Variants in ABLIM1 observed in about 807,000 individuals in gnomAD.
ABLIM1 encodes the protein actin binding LIM protein 1, also known as actin-binding LIM protein 1.
ABLIM1 carries 40 observed loss-of-function variants against 107.0 expected under a neutral mutation model. The ratio of observed to expected loss-of-function variants is 0.37; its 90% CI spans 0.29 to 0.49. ABLIM1 has a LOEUF of 0.49. Among genes scored for constraint, ABLIM1 ranks in the 20% least tolerant of loss-of-function variants. The pLI is 0.97. For missense variants in ABLIM1, 857 were observed against 1,008.5 expected, an observed-to-expected ratio of 0.85 and a Z score of 2.04; for synonymous variants, 357 against 357.3, an observed-to-expected ratio of 1.00 and a Z score of 0.01.
intron 4 of ABLIM1, among the ~76,000 whole-genome samples, chr10:114,556,528 A>G (rs1369787797): frequency 2.0e-5 from 3 of 152,182 alleles, no homozygotes; most frequent in African/African-American, 7.2e-5. Flanking sequence ...TAGGACCATG[A>G]GTTTGCAACA....
intron 1 of ABLIM1, among the ~76,000 whole-genome samples, chr10:114,757,474 T>C (rs1010016111): frequency 6.6e-6 from 1 of 152,152 alleles, no homozygotes; most frequent in Non-Finnish European, 1.5e-5. Flanking sequence ...TCTATACTCT[T>C]CCTCATTGCA....
At chr10:114,727,522 T>C (rs2081985087) in intron 1 of ABLIM1, among the ~76,000 whole-genome samples, 1 of 152,164 alleles carries the variant, frequency 6.6e-6, no homozygotes, top group Non-Finnish European at 1.5e-5. Context: ...TTAAAAATCA[T>C]AATAGGAAAA....
chr10:114,713,041 C>G (rs1480401012), intron 1 of ABLIM1, among the ~76,000 whole-genome samples: 1 of 152,082 alleles, frequency 6.6e-6, no homozygotes, highest in Admixed American at 6.6e-5. Flanking sequence ...AGAGCAAGAC[C>G]CTGTCTCTTA....
intron 1 of ABLIM1, among the ~76,000 whole-genome samples, chr10:114,723,615 C>T (rs944735466): frequency 6.6e-6 from 1 of 152,226 alleles, no homozygotes; most frequent in Admixed American, 6.5e-5. Flanking sequence ...TCTCCACCAC[C>T]TAACATGCAG....
At chr10:114,583,472 T>TATAC (rs2073832635) in intron 2 of ABLIM1, among the ~76,000 whole-genome samples, 3 of 10,098 alleles carry the variant, frequency 3.0e-4, no homozygotes, top group Non-Finnish European at 6.7e-4. Context: ...CACACACATA[T>TATAC]ATATATATAT....
intron 1 of ABLIM1, among the ~76,000 whole-genome samples, chr10:114,737,909 T>C (rs985063682): frequency 6.6e-6 from 1 of 152,176 alleles, no homozygotes; most frequent in Non-Finnish European, 1.5e-5. Context: ...TTCTGGATGA[T>C]GGATATATGG....
chr10:114,755,840 A>AT (rs1411257830), intron 1 of ABLIM1, among the ~76,000 whole-genome samples: 1 of 152,196 alleles, frequency 6.6e-6, no homozygotes, highest in Non-Finnish European at 1.5e-5. Context: ...TGAATATGGT[A>AT]TTTTTTAACC....
intron 6 of ABLIM1, among the ~76,000 whole-genome samples, chr10:114,504,450 A>G (rs2060855573): frequency 6.6e-6 from 1 of 152,196 alleles, no homozygotes. Flanking sequence ...TGGACAGTTT[A>G]AAGTAAGTAT....
intron 4 of ABLIM1, among the ~76,000 whole-genome samples, chr10:114,566,425 C>T (rs751807494): frequency 4.6e-5 from 7 of 152,184 alleles, no homozygotes; most frequent in Non-Finnish European, 7.3e-5. Context: ...TCTCACATCC[C>T]TCCTTAACCC....
At chr10:114,595,696 T>C (rs1292999781) in intron 2 of ABLIM1, among the ~76,000 whole-genome samples, 2 of 152,188 alleles carry the variant, frequency 1.3e-5, no homozygotes, top group African/African-American at 2.4e-5. Flanking sequence ...ACAGAATCCA[T>C]CCATCAATTA....
intron 2 of ABLIM1, among the ~76,000 whole-genome samples, chr10:114,601,049 TACACACACACACACACACACACACACAC>T (rs59709817): frequency 3.0e-4 from 38 of 128,598 alleles, no homozygotes; most frequent in South Asian, 1.7e-3. Context: ...CACATCTCAA[TACACACACACACACACACACACACACAC>T]ACACACACAC....
intron 5 of ABLIM1, 28 bp from the exon 6 acceptor site, chr10:114,545,126 T>G: frequency 1.2e-6 from 2 of 1,608,524 alleles, no homozygotes; most frequent in African/African-American, 2.7e-5. Context: ...GTTCGGCTCC[T>G]GAGGAGGTGG....
At chr10:114,512,696 G>A (rs932394350) in intron 6 of ABLIM1, among the ~76,000 whole-genome samples, 3 of 152,112 alleles carry the variant, frequency 2.0e-5, no homozygotes, top group Non-Finnish European at 2.9e-5. Context: ...GTGGTGGTGT[G>A]CACCCAGAAT....
chr10:114,448,534 A>G (rs2061387064), intron 14 of ABLIM1, among the ~76,000 whole-genome samples: 1 of 152,162 alleles, frequency 6.6e-6, no homozygotes, highest in Non-Finnish European at 1.5e-5. Flanking sequence ...GTAGTTGTTA[A>G]TCATTAGAGG....
At chr10:114,778,956 G>A in the ABLIM1 span, 1 of 152,224 alleles carries the variant, frequency 6.6e-6, no homozygotes, top group Non-Finnish European at 1.5e-5. Context: ...TATTTGGTAT[G>A]AATGTCGGTC....
At chr10:114,766,868 C>T (rs1331081065) in intron 1 of ABLIM1, among the ~76,000 whole-genome samples, 5 of 152,156 alleles carry the variant, frequency 3.3e-5, no homozygotes, top group Admixed American at 6.5e-5. Flanking sequence ...CTCTAATATA[C>T]GTGAATAATT....
At chr10:114,598,798 T>C (rs1348904150) in intron 2 of ABLIM1, among the ~76,000 whole-genome samples, 1 of 152,252 alleles carries the variant, frequency 6.6e-6, no homozygotes, top group East Asian at 1.9e-4. Context: ...CTTTTCAATA[T>C]GGCTATCAGA....
intron 8 of ABLIM1, among the ~76,000 whole-genome samples, chr10:114,481,292 A>T (rs1020220012): frequency 1.3e-5 from 2 of 151,840 alleles, no homozygotes; most frequent in Non-Finnish European, 2.9e-5. Context: ...CCCTCCCCCC[A>T]TTCAGCAGGA....
At chr10:114,521,647 AC>A (rs1289823942) in intron 6 of ABLIM1, among the ~76,000 whole-genome samples, 5 of 150,758 alleles carry the variant, frequency 3.3e-5, no homozygotes, top group African/African-American at 4.9e-5. Context: ...TCGGTAGTCA[AC>A]CCCCCTCCTT....
Sources: gnomAD v4.1 joint callset for allele counts (sites outside exome capture counted in the v4.1 genomes callset) on GRCh38, gnomAD v4.1.1 for gene constraint, MANE v1.5 for transcripts, NCBI Gene and HGNC (gene_info 2026-07-23, HGNC 2026-07-21) for gene names.